Variants in UBE2D3 observed in about 807,000 individuals in gnomAD.
UBE2D3 encodes the protein ubiquitin conjugating enzyme E2 D3.
In UBE2D3, 2 loss-of-function variants were observed where a neutral mutation model predicts 22.8. That is an observed-to-expected ratio of 0.09 (90% CI 0.04 to 0.28). The LOEUF is 0.28. UBE2D3 is among the 10% of genes least tolerant of loss of function. UBE2D3 has a pLI of 1.00. For missense variants in UBE2D3, 27 were observed against 182.5 expected, an observed-to-expected ratio of 0.15 and a Z score of 4.91; for synonymous variants, 56 against 60.4, an observed-to-expected ratio of 0.93 and a Z score of 0.34.
intron 2 of UBE2D3, chr4:102,819,523 C>T (rs1462003534): frequency 1.0e-6 from 1 of 979,496 alleles, no homozygotes; most frequent in Admixed American, 6.2e-5. Flanking sequence ...TTCATCAGAT[C>T]AACATAACCA....
intron 2 of UBE2D3, among the ~76,000 whole-genome samples, chr4:102,814,819 T>C (rs1339274926): frequency 5.3e-5 from 8 of 152,078 alleles, no homozygotes; most frequent in Admixed American, 3.3e-4. Flanking sequence ...CCACATAATA[T>C]AGCCACTTGT....
rs141363068 is a variant in UBE2D3 at position 102,841,302 on chromosome 4, G to A, written c.-128-14666C>T. On this transcript the variant is annotated intron_variant, in intron 1 of 7. Transcript: ENST00000338145. Reference sequence around the variant, plus strand: ...TATATGAAACTAATATATGTAATAGGAAGCTATTACATATATTAATGGTAA... The same window carrying A: ...TATATGAAACTAATATATGTAATAGAAAGCTATTACATATATTAATGGTAA... 1.9e-3 allele frequency among the ~76,000 whole-genome samples: 287 copies of A among 152,140 alleles called. 11 individuals are homozygous for A. In the East Asian group the frequency reaches 0.042, roughly 22 times the overall value.
chr4:102,855,649 C>G (rs1578297097), intron 1 of UBE2D3, among the ~76,000 whole-genome samples: 1 of 152,062 alleles, frequency 6.6e-6, no homozygotes, highest in African/African-American at 2.4e-5. Context: ...CTTCAAACAC[C>G]TGGCCTCAAG....
At chr4:102,798,754 G>A (rs1411486776) in intron 7 of UBE2D3, among the ~76,000 whole-genome samples, 2 of 150,990 alleles carry the variant, frequency 1.3e-5, no homozygotes, top group Non-Finnish European at 1.5e-5. Context: ...AAGCAATAAC[G>A]GCTACCAGAT....
intron 1 of UBE2D3, among the ~76,000 whole-genome samples, chr4:102,851,039 T>C (rs1158896022): frequency 6.6e-6 from 1 of 152,160 alleles, no homozygotes; most frequent in Non-Finnish European, 1.5e-5. Flanking sequence ...CTAAAGAACT[T>C]ATCCATGTAA....
chr4:102,832,314 C>T (rs544251291), upstream of UBE2D3, among the ~76,000 whole-genome samples: 47 of 150,080 alleles, frequency 3.1e-4, no homozygotes, highest in Middle Eastern at 3.7e-3. Context: ...GCGGGGGGAG[C>T]GGCAAGGAGA....
intron 2 of UBE2D3, chr4:102,825,872 G>A (rs1029938710): frequency 4.5e-6 from 2 of 443,790 alleles, no homozygotes; most frequent in South Asian, 3.2e-5. Context: ...CAAAATACAG[G>A]AAGTGGCAAC....
intron 1 of UBE2D3, 167 bp downstream of exon 1, chr4:102,827,260 C>T (rs959168159): frequency 1.0e-6 from 1 of 963,416 alleles, no homozygotes; most frequent in East Asian, 1.2e-4. Flanking sequence ...CATTCCCCCT[C>T]CTCCTCCAGC....
chr4:102,827,826 C>T (rs1730832561), upstream of UBE2D3: 4 of 986,336 alleles, frequency 4.1e-6, no homozygotes, highest in East Asian at 1.1e-4. Context: ...TGGCGGAAAC[C>T]CTTAGGCTCA....
intron 2 of UBE2D3, among the ~76,000 whole-genome samples, chr4:102,820,423 C>CT (rs1353037157): frequency 6.6e-6 from 1 of 152,216 alleles, no homozygotes; most frequent in Non-Finnish European, 1.5e-5. Context: ...CTGAGAAATC[C>CT]TTTTTTATCT....
intron 2 of UBE2D3, chr4:102,813,088 CAA>C (rs1296284884): frequency 1.3e-5 from 2 of 152,114 alleles, no homozygotes; most frequent in East Asian, 3.8e-4. Flanking sequence ...ATGATCAACA[CAA>C]AGTTTTAACT....
chr4:102,831,965 A>G (rs954805127), upstream of UBE2D3, among the ~76,000 whole-genome samples: 5 of 152,236 alleles, frequency 3.3e-5, no homozygotes, highest in Admixed American at 3.3e-4. Flanking sequence ...ATTAGGTGCT[A>G]GACACTGAAG....
chr4:102,809,939 C>A lies in UBE2D3; in HGVS notation c.25-84G>T, dbSNP rs951749233. On this transcript the variant is annotated intron_variant, in intron 2 of 7. Transcript: ENST00000453744. ...TGAGTCCACTGCTTTCAGTTACTTT[C>A]ACCCTATTTTTAAAGGCACACTCCA... The A allele has an allele frequency of 5.0e-6, 7 of 1,386,936 alleles. No homozygotes were observed. The African/African-American group carries it at 1.0e-4, about 20-fold the overall frequency. 85.9% of individuals were successfully genotyped at this position (1,386,936 alleles called of 1,614,324 possible).
At chr4:102,828,995 G>GC (rs1482966530), upstream of UBE2D3, among the ~76,000 whole-genome samples, 1 of 152,156 alleles carries the variant, frequency 6.6e-6, no homozygotes, top group Admixed American at 6.5e-5. Context: ...CACTTAATTT[G>GC]AAAACTGTTG....
At chr4:102,801,765 C>G (rs1726187221) in intron 5 of UBE2D3, 1 of 435,286 alleles carries the variant, frequency 2.3e-6, no homozygotes. Flanking sequence ...ATAAAAATTT[C>G]ATTACTCATA....
intron 1 of UBE2D3, among the ~76,000 whole-genome samples, chr4:102,859,174 G>C (rs925325114): frequency 2.0e-5 from 3 of 151,822 alleles, no homozygotes; most frequent in African/African-American, 7.3e-5. Context: ...ACAGCTTTGT[G>C]GGTAAATTAT....
rs2110337658 is a variant in UBE2D3 at position 102,827,034 on chromosome 4, G to A, written c.-129+393C>T. On this transcript the variant is annotated intron_variant, in intron 1 of 7. Transcript: ENST00000453744. Reference sequence around the variant, plus strand: ...CCGGACGGACGCCGGGCTGCTTTCGGTTTCTGTCCAAAGGTGCGGCCGGGA... The same window carrying A: ...CCGGACGGACGCCGGGCTGCTTTCGATTTCTGTCCAAAGGTGCGGCCGGGA... The A allele has an allele frequency of 6.0e-6, 6 of 993,396 alleles. No individual in the cohort carries two copies. In the South Asian group the frequency reaches 2.6e-4, roughly 43 times the overall value. The allele number at this position is 993,396 out of a possible 1,614,324, so 61.5% of individuals were successfully genotyped here. A position where few individuals can be genotyped will look rare whatever the true frequency, so the allele number is the denominator to read the frequency against.
Position 102,795,202 on chromosome 4 carries a change from T to C in UBE2D3, c.*2213A>G, listed in dbSNP as rs1439433257. The C allele has an allele frequency of 6.6e-6, 1 of 152,048 alleles. No homozygotes were observed. The highest frequency in any genetic ancestry group is 1.5e-5 in the Non-Finnish European group (1 of 67,938). 9.4% of individuals were successfully genotyped at this position (152,048 alleles called of 1,614,324 possible). On this transcript the variant is annotated 3_prime_UTR_variant, in exon 8 of 8. Transcript: ENST00000453744. ...ACAGAGAACTGGACACATCCACTAA[T>C]TGTTATGACAATCAAAGAAGTCATC... is the stretch of plus-strand genomic sequence containing the variant.
At chr4:102,851,139 C>G (rs1285982325) in intron 1 of UBE2D3, among the ~76,000 whole-genome samples, 1 of 152,028 alleles carries the variant, frequency 6.6e-6, no homozygotes, top group Non-Finnish European at 1.5e-5. Flanking sequence ...CAATATTTGC[C>G]CTCAATAAAT....
Sources: gnomAD v4.1 joint callset for allele counts (sites outside exome capture counted in the v4.1 genomes callset) on GRCh38, gnomAD v4.1.1 for gene constraint, MANE v1.5 for transcripts, NCBI Gene and HGNC (gene_info 2026-07-23, HGNC 2026-07-21) for gene names.